The following MAP3K20 variants were observed in gnomAD, a reference collection of about 807,000 sequenced individuals.
MAP3K20 encodes HCCS-4.
A neutral mutation model predicts 85.7 loss-of-function variants in MAP3K20; 40 were observed. That is an observed-to-expected ratio of 0.47 (90% CI 0.36 to 0.61). MAP3K20 has a LOEUF of 0.61. MAP3K20 is among the 20% of genes least tolerant of loss of function. The pLI is 0.00. For synonymous variants in MAP3K20, 325 were observed against 327.7 expected (o/e 0.99, Z 0.09); for missense variants, 817 against 961.7 (o/e 0.85, Z 1.99).
chr2:173,097,718 T>C (rs1687503889), intron 2 of MAP3K20, among the ~76,000 whole-genome samples: 1 of 152,204 alleles, frequency 6.6e-6, no homozygotes, highest in Non-Finnish European at 1.5e-5. Context: ...GTTATAAATA[T>C]TTATAGATAA....
rs1686835902 is a variant in MAP3K20, at chr2:173,075,960, C to T, written c.-77C>T. On this transcript the variant is annotated 5_prime_UTR_variant, in exon 1 of 20. Transcript: ENST00000375213. The stretch of plus-strand genomic sequence containing the variant: ...CCGCCGCCCTCGTCGCGCGCGGGGC[C>T]TCCGCGCCCCCGGCTGCTGCTCACG... 6 of 985,020 alleles carry T rather than the reference C, an allele frequency of 6.1e-6. No individual in the cohort carries two copies. The highest frequency in any genetic ancestry group is 4.7e-5 in the South Asian group (1 of 21,286). The allele number at this position is 985,020 out of a possible 1,614,324, so 61.0% of individuals were successfully genotyped here. A position where few individuals can be genotyped will look rare whatever the true frequency, so the allele number is the denominator to read the frequency against.
rs762009229 is a variant in MAP3K20, at chr2:173,203,844, C to T, written c.718C>T (p.His240Tyr). 13 of 1,613,798 alleles carry T rather than the reference C, an allele frequency of 8.1e-6. No individual in the cohort carries two copies. In the African/African-American group the frequency reaches 1.2e-4, roughly 15 times the overall value. Residue 240 changes from histidine (H) to tyrosine (Y), a missense_variant, in exon 9 of 20, where the codon CAT becomes TAT. Transcript: ENST00000375213. Reference protein sequence around the residue: ...SCPRSFAELLHQCWEADAKKR... With the variant: ...SCPRSFAELLYQCWEADAKKR... ...CCCCAGAAGTTTTGCTGAACTGTTACATCAGTGTTGGGAAGCTGATGCCAA... is the reference window on the plus strand; with the variant it reads ...CCCCAGAAGTTTTGCTGAACTGTTATATCAGTGTTGGGAAGCTGATGCCAA...
At chr2:173,116,787 G>A (rs1203389616) in intron 2 of MAP3K20, among the ~76,000 whole-genome samples, 1 of 152,148 alleles carries the variant, frequency 6.6e-6, no homozygotes, top group Non-Finnish European at 1.5e-5. Context: ...CTACTTATTG[G>A]TAGAAGCTTA....
rs534409138 is a variant in MAP3K20, at chr2:173,098,202, C to G, written c.159+7012C>G. ...TCGCTATTGAGTTCTGGCATAGTTT[C>G]TATAATAACTCGTCCAAAGCGGTGC... On this transcript the variant is annotated intron_variant, in intron 2 of 19. Coordinates refer to ENST00000375213, the MANE Select transcript of MAP3K20 (RefSeq NM_016653.3). Among the ~76,000 whole-genome samples, 10 of 152,258 alleles carry G rather than the reference C, an allele frequency of 6.6e-5. No homozygotes were observed. The East Asian group carries it at 1.9e-3, about 29-fold the overall frequency.
chr2:173,258,858 G>A (rs1376416198), intron 17 of MAP3K20, 43 bp downstream of exon 17: 1 of 1,257,012 alleles, frequency 8.0e-7, no homozygotes, highest in Admixed American at 1.7e-5. Context: ...TGAATTCACA[G>A]ATATCAAACA....
At chr2:173,096,177 A>G (rs16861272) in intron 2 of MAP3K20, among the ~76,000 whole-genome samples, 44,217 of 151,984 alleles carry the variant, frequency 0.29, 7,881 homozygotes, top group Non-Finnish European at 0.4. Flanking sequence ...TGTTCCTAGA[A>G]TTCAGTATGT....
chr2:173,239,463 T>C lies in MAP3K20; in HGVS notation c.1326T>C (p.Phe442=), dbSNP rs747439666. ...AAATAGTGAACCTGGAACTGGTTTT[T>C]GGTTTTCACTTGAAACCAGGAACTG... ...EEKIVNLELV[F]GFHLKPGTGP... Residue 442 remains phenylalanine (F), a synonymous_variant, in exon 16 of 20, where the codon TTT becomes TTC. Transcript: ENST00000375213. The C allele has an allele frequency of 1.2e-6, 2 of 1,613,666 alleles. No homozygotes were observed. The highest frequency in any genetic ancestry group is 3.3e-5 in the Admixed American group (2 of 59,860).
chr2:173,257,071 G>C (rs1291022157), intron 16 of MAP3K20, among the ~76,000 whole-genome samples: 1 of 152,138 alleles, frequency 6.6e-6, no homozygotes, highest in Non-Finnish European at 1.5e-5. Context: ...GCCTGAGGTG[G>C]GAGAATCGCT....
In MAP3K20 at chr2:173,121,747, C is replaced by T. The variant is rs1038236556; in HGVS notation, c.159+30557C>T. ...CCATTCAGCATGGATGCCCCCCCGCCGCCCACCCGCCACCATCACCTCCTG... is the reference window on the plus strand; with the variant it reads ...CCATTCAGCATGGATGCCCCCCCGCTGCCCACCCGCCACCATCACCTCCTG... On this transcript the variant is annotated intron_variant, in intron 2 of 19. Coordinates refer to ENST00000375213, the MANE Select transcript of MAP3K20 (RefSeq NM_016653.3). Among the ~76,000 whole-genome samples the T allele has an allele frequency of 9.2e-5, 14 of 152,096 alleles. 1 individual carries two copies. Among genetic ancestry groups the T allele is most frequent in the South Asian group, 4.2e-4 (2 of 4,818 alleles).
intron 14 of MAP3K20, among the ~76,000 whole-genome samples, chr2:173,236,597 C>G (rs1444102095): frequency 6.6e-6 from 1 of 152,108 alleles, no homozygotes; most frequent in Non-Finnish European, 1.5e-5. Context: ...GGAATGCGGA[C>G]CCCTCCCCCT....
chr2:173,196,649 G>A (rs1690850447), intron 7 of MAP3K20, among the ~76,000 whole-genome samples: 2 of 152,212 alleles, frequency 1.3e-5, no homozygotes, highest in Admixed American at 6.5e-5. Context: ...CACTGGCTGA[G>A]GAAATAGTGG....
intron 1 of MAP3K20, chr2:173,090,714 A>T: frequency 9.7e-7 from 1 of 1,031,172 alleles, no homozygotes; most frequent in East Asian, 9.0e-5. Context: ...GCTCCTTGGG[A>T]TGAGTAGGAA....
intron 1 of MAP3K20, among the ~76,000 whole-genome samples, chr2:173,077,955 A>G (rs1218511652): frequency 6.6e-6 from 1 of 152,252 alleles, no homozygotes; most frequent in African/African-American, 2.4e-5. Flanking sequence ...ATATTGGCTC[A>G]GAGCCTATCT....
At chr2:173,101,690 G>T (rs191301663) in intron 2 of MAP3K20, among the ~76,000 whole-genome samples, 2 of 152,154 alleles carry the variant, frequency 1.3e-5, no homozygotes, top group African/African-American at 4.8e-5. Context: ...AAAGCAGCCC[G>T]TAAGTATTTC....
chr2:173,226,803 G>T (rs1383951695), intron 11 of MAP3K20: 1 of 982,956 alleles, frequency 1.0e-6, no homozygotes, highest in Non-Finnish European at 1.2e-6. Flanking sequence ...CTAAATAATA[G>T]AAAATATTTA....
At chr2:173,209,365 T>A (rs1169973097) in intron 9 of MAP3K20, among the ~76,000 whole-genome samples, 1 of 152,254 alleles carries the variant, frequency 6.6e-6, no homozygotes, top group South Asian at 2.1e-4. Context: ...TACTGTTAAC[T>A]TTTTACTGGC....
chr2:173,258,643 CTA>C, intron 16 of MAP3K20, 54 bp from the exon 17 acceptor site: 1 of 1,013,626 alleles, frequency 9.9e-7, no homozygotes. Flanking sequence ...AATATTGAGA[CTA>C]AAAAAAAAAT....
At chr2:173,155,866 G>A (rs2106233132) in intron 2 of MAP3K20, among the ~76,000 whole-genome samples, 2 of 152,300 alleles carry the variant, frequency 1.3e-5, no homozygotes, top group South Asian at 4.1e-4. Context: ...TGCTTACACA[G>A]TAATATTCTC....
chr2:173,259,305 A>C (rs888986800), intron 17 of MAP3K20, among the ~76,000 whole-genome samples: 2 of 152,194 alleles, frequency 1.3e-5, no homozygotes, highest in African/African-American at 4.8e-5. Flanking sequence ...GCCAGAGAAC[A>C]TGTTACTACT....
Sources: gnomAD v4.1 joint callset for allele counts (sites outside exome capture counted in the v4.1 genomes callset) on GRCh38, gnomAD v4.1.1 for gene constraint, MANE v1.5 for transcripts, NCBI Gene and HGNC (gene_info 2026-07-23, HGNC 2026-07-21) for gene names.